BCKDHB: variants seen among roughly 807,000 people sequenced by gnomAD.
BCKDHB encodes 2-oxoisovalerate dehydrogenase subunit beta, mitochondrial.
A neutral mutation model predicts 48.5 loss-of-function variants in BCKDHB; 41 were observed. The ratio of observed to expected loss-of-function variants is 0.85; its 90% confidence interval spans 0.66 to 1.10. The LOEUF is 1.10. Ranked by LOEUF, BCKDHB falls within the 50% of genes least tolerant of loss-of-function variation. The probability of loss-of-function intolerance (pLI) is 0.00; values close to 1 mark genes in which losing one functional copy is unlikely to be tolerated. For synonymous variants in BCKDHB, 201 were observed against 174.8 expected, an observed-to-expected ratio of 1.15 and a Z score of -1.18; for missense variants, 496 against 494.2, an observed-to-expected ratio of 1.00 and a Z score of -0.03.
intron 8 of BCKDHB, among the ~76,000 whole-genome samples, chr6:80,207,333 G>A (rs1774713971): frequency 1.3e-5 from 2 of 151,784 alleles, no homozygotes; most frequent in South Asian, 4.1e-4. Context: ...GTAATGTTCT[G>A]GTTAGGTTAT....
intron 3 of BCKDHB, among the ~76,000 whole-genome samples, chr6:80,144,900 G>T (rs1027024514): frequency 1.3e-5 from 2 of 152,106 alleles, no homozygotes; most frequent in African/African-American, 4.8e-5. Context: ...TTGTCTTGTA[G>T]CAGTATAGTG....
chr6:80,220,418 T>G (rs1775385575), intron 8 of BCKDHB, among the ~76,000 whole-genome samples: 2 of 149,066 alleles, frequency 1.3e-5, no homozygotes, highest in African/African-American at 2.4e-5. Context: ...TTTTTTTTTT[T>G]TTTTTGGTCA....
At chr6:80,428,019 C>T in the BCKDHB span, among the ~76,000 whole-genome samples, 311 of 152,192 alleles carry the variant, frequency 2.0e-3, no homozygotes, top group African/African-American at 7.2e-3. Flanking sequence ...CTATCCCTCC[C>T]CTAACCCCCC....
At chr6:80,411,194 C>G in the BCKDHB span, among the ~76,000 whole-genome samples, 1 of 152,168 alleles carries the variant, frequency 6.6e-6, no homozygotes, top group African/African-American at 2.4e-5. Flanking sequence ...TTCCTTCTAA[C>G]AGGCCCCTCA....
chr6:80,158,480 A>G (rs1006606198), intron 3 of BCKDHB, among the ~76,000 whole-genome samples: 12 of 152,164 alleles, frequency 7.9e-5, no homozygotes, highest in African/African-American at 1.2e-4. Flanking sequence ...TAAACTTCCT[A>G]AATCTGGAAA....
At chr6:80,424,672 G>A in the BCKDHB span, among the ~76,000 whole-genome samples, 132,080 of 152,190 alleles carry the variant, frequency 0.87, 57,943 homozygotes, top group East Asian at 0.95. Context: ...GACACCTCAT[G>A]TAGAATTCTT....
At chr6:80,274,788 C>A (rs1321532454) in intron 9 of BCKDHB, among the ~76,000 whole-genome samples, 1 of 151,946 alleles carries the variant, frequency 6.6e-6, no homozygotes, top group Admixed American at 6.6e-5. Flanking sequence ...TTTAATACAA[C>A]ATTTTTTTAG....
chr6:80,459,568 A>C, the BCKDHB span, among the ~76,000 whole-genome samples: 1 of 152,152 alleles, frequency 6.6e-6, no homozygotes, highest in African/African-American at 2.4e-5. Context: ...CGTTGTACTT[A>C]TCATCAACAA....
At chr6:80,387,774 G>A in the BCKDHB span, among the ~76,000 whole-genome samples, 7,780 of 152,288 alleles carry the variant, frequency 0.051, 543 homozygotes, top group African/African-American at 0.15. Flanking sequence ...CTGACTTTGT[G>A]TCATAATCTT....
At chr6:80,355,000 A>G in the BCKDHB span, among the ~76,000 whole-genome samples, 1 of 152,230 alleles carries the variant, frequency 6.6e-6, no homozygotes, top group Non-Finnish European at 1.5e-5. Flanking sequence ...TTTTTGTTCC[A>G]TATGAGTTTT....
chr6:80,186,408 C>G (rs1219364562), intron 6 of BCKDHB, among the ~76,000 whole-genome samples: 1 of 152,194 alleles, frequency 6.6e-6, no homozygotes, highest in Non-Finnish European at 1.5e-5. Flanking sequence ...CAATCTCACT[C>G]CTGCCATGCC....
At chr6:80,109,023 A>G (rs1769278685) in intron 1 of BCKDHB, among the ~76,000 whole-genome samples, 1 of 152,210 alleles carries the variant, frequency 6.6e-6, no homozygotes, top group African/African-American at 2.4e-5. Flanking sequence ...TTATCCTACA[A>G]TTCACTGGAG....
intron 9 of BCKDHB, among the ~76,000 whole-genome samples, chr6:80,284,590 A>G (rs1299633137): frequency 6.6e-6 from 1 of 152,128 alleles, no homozygotes; most frequent in African/African-American, 2.4e-5. Context: ...AAGACAGTTT[A>G]TATTTCAGAT....
At chr6:80,176,300 T>C (rs1773152977) in intron 6 of BCKDHB, among the ~76,000 whole-genome samples, 1 of 152,158 alleles carries the variant, frequency 6.6e-6, no homozygotes, top group African/African-American at 2.4e-5. Context: ...GTGCTGATTT[T>C]AAATATATAC....
intron 2 of BCKDHB, among the ~76,000 whole-genome samples, chr6:80,128,872 C>CTGTGTGTGTGTG: frequency 6.8e-6 from 1 of 147,524 alleles, no homozygotes; most frequent in African/African-American, 2.5e-5. Context: ...GTTGTCTCAA[C>CTGTGTGTGTGTG]TGTGTGTGTG....
At chr6:80,106,980 A>G (rs1400087658) in intron 1 of BCKDHB, 91 bp downstream of exon 1, 17 of 1,448,182 alleles carry the variant, frequency 1.2e-5, no homozygotes, top group Non-Finnish European at 1.6e-5. Context: ...GCAGGCTGCA[A>G]TCCTTGCATC....
At chr6:80,362,232 G>T in the BCKDHB span, among the ~76,000 whole-genome samples, 1 of 152,042 alleles carries the variant, frequency 6.6e-6, no homozygotes, top group Non-Finnish European at 1.5e-5. Context: ...GGTATCTTTG[G>T]TTTTCTCTTC....
At chr6:80,207,465 ATAAG>A (rs1453278286) in intron 8 of BCKDHB, among the ~76,000 whole-genome samples, 9 of 151,912 alleles carry the variant, frequency 5.9e-5, no homozygotes, top group Non-Finnish European at 8.8e-5. Context: ...TCCAAAATAA[ATAAG>A]TATGAAAAAT....
chr6:80,351,734 A>C, the BCKDHB span, among the ~76,000 whole-genome samples: 3 of 143,622 alleles, frequency 2.1e-5, no homozygotes, highest in Non-Finnish European at 4.5e-5. Context: ...CCTCGACCTC[A>C]TGGGCTCAAG....
Sources: gnomAD v4.1 joint callset for allele counts (sites outside exome capture counted in the v4.1 genomes callset) on GRCh38, gnomAD v4.1.1 for gene constraint, MANE v1.5 for transcripts, NCBI Gene and HGNC (gene_info 2026-07-23, HGNC 2026-07-21) for gene names.